Variants in PRKACB observed in about 807,000 individuals in gnomAD.
The protein encoded by PRKACB is cAMP-dependent protein kinase catalytic subunit beta.
A neutral mutation model predicts 51.4 loss-of-function variants in PRKACB; 16 were observed. The ratio of observed to expected loss-of-function variants is 0.31; its 90% CI spans 0.21 to 0.47. The LOEUF is 0.47. PRKACB is among the 20% of genes least tolerant of loss of function. The pLI, the probability that PRKACB is intolerant of heterozygous loss-of-function variation, is 1.00. For synonymous variants in PRKACB, 147 were observed against 154.4 expected, an observed-to-expected ratio of 0.95 and a Z score of 0.35; for missense variants, 309 against 464.5, an observed-to-expected ratio of 0.67 and a Z score of 3.08.
chr1:84,168,002 C>G (rs1339210540), intron 1 of PRKACB, among the ~76,000 whole-genome samples: 1 of 151,510 alleles, frequency 6.6e-6, no homozygotes, highest in Non-Finnish European at 1.5e-5. Context: ...CCTTGTTAAG[C>G]AAACAAGGTC....
intron 1 of PRKACB, among the ~76,000 whole-genome samples, chr1:84,150,526 C>T (rs1176906800): frequency 2.0e-5 from 3 of 152,068 alleles, no homozygotes; most frequent in Admixed American, 2.0e-4. Flanking sequence ...GGGAGGATCT[C>T]TCATGAATGG....
At chr1:84,095,077 G>A (rs149979115) in intron 1 of PRKACB, among the ~76,000 whole-genome samples, 346 of 151,982 alleles carry the variant, frequency 2.3e-3, no homozygotes, top group African/African-American at 7.9e-3. Flanking sequence ...TACGATCTAG[G>A]TTTATGTAAG....
chr1:84,099,181 G>A (rs1455208286), intron 1 of PRKACB, among the ~76,000 whole-genome samples: 1 of 152,066 alleles, frequency 6.6e-6, no homozygotes, highest in Non-Finnish European at 1.5e-5. Context: ...TTTATTTGTA[G>A]TGTTAAGTAT....
intron 5 of PRKACB, among the ~76,000 whole-genome samples, chr1:84,191,177 T>C (rs1355070666): frequency 2.0e-5 from 3 of 152,154 alleles, no homozygotes; most frequent in African/African-American, 7.2e-5. Context: ...TTTCCATGTT[T>C]AGGACTCCCT....
intron 5 of PRKACB, among the ~76,000 whole-genome samples, chr1:84,190,630 A>G (rs1666486915): frequency 6.6e-6 from 1 of 152,132 alleles, no homozygotes; most frequent in South Asian, 2.1e-4. Flanking sequence ...TTATAGCTTC[A>G]TGACCTTAAG....
At chr1:84,162,397 C>G (rs952556467) in intron 1 of PRKACB, among the ~76,000 whole-genome samples, 1 of 151,958 alleles carries the variant, frequency 6.6e-6, no homozygotes, top group African/African-American at 2.4e-5. Context: ...TGTCTCTCTC[C>G]TTTTTTTCTA....
intron 1 of PRKACB, among the ~76,000 whole-genome samples, chr1:84,154,642 A>AAATTATAGG (rs1205989875): frequency 6.6e-6 from 1 of 152,182 alleles, no homozygotes; most frequent in Non-Finnish European, 1.5e-5. Context: ...TCCCTGATGA[A>AAATTATAGG]CATAGATGCA....
intron 9 of PRKACB, among the ~76,000 whole-genome samples, chr1:84,232,798 A>G (rs373189926): frequency 6.6e-6 from 1 of 151,934 alleles, no homozygotes; most frequent in Non-Finnish European, 1.5e-5. Flanking sequence ...TTTTGAGCCT[A>G]TGTGTGTCTC....
chr1:84,228,148 A>C (rs1334989831), intron 9 of PRKACB, among the ~76,000 whole-genome samples: 1 of 151,712 alleles, frequency 6.6e-6, no homozygotes, highest in Non-Finnish European at 1.5e-5. Flanking sequence ...TCCCATTCCT[A>C]CTTATTTTTA....
intron 8 of PRKACB, among the ~76,000 whole-genome samples, chr1:84,211,075 G>T (rs1007464757): frequency 8.6e-5 from 13 of 150,998 alleles, no homozygotes; most frequent in Non-Finnish European, 1.9e-4. Flanking sequence ...GATTTGAAAA[G>T]GTTCCCAAAT....
In PRKACB at chr1:84,235,361, T is replaced by C. The variant is rs1391332185; in HGVS notation, c.*56T>C. ...TCAGTGTTTGCACTCTGTTGAGAGA[T>C]AAGGTAGAGCTGAGACCGTCCTTGT... On this transcript the variant is annotated 3_prime_UTR_variant, in exon 10 of 10. Coordinates refer to ENST00000370685, the MANE Select transcript of PRKACB (RefSeq NM_182948.4). The C allele has an allele frequency of 3.7e-6, 6 of 1,607,772 alleles. No homozygotes were observed. In the African/African-American group the frequency reaches 6.7e-5, roughly 18 times the overall value.
intron 8 of PRKACB, 108 bp downstream of exon 8, chr1:84,202,913 A>G (rs549071390): frequency 6.6e-6 from 7 of 1,053,564 alleles, no homozygotes; most frequent in Middle Eastern, 2.8e-4. Context: ...TGGGAAAAAT[A>G]TAGAAAAATC....
intron 8 of PRKACB, among the ~76,000 whole-genome samples, chr1:84,206,512 C>G (rs1671366239): frequency 6.6e-6 from 1 of 152,152 alleles, no homozygotes; most frequent in Admixed American, 6.5e-5. Flanking sequence ...ACACCAGGCA[C>G]AAGCTTTCAA....
rs1040260436 is a variant in PRKACB at position 84,211,160 on chromosome 1, C to T, written c.907-2993C>T. Among the ~76,000 whole-genome samples, 10 of 149,250 alleles carry T rather than the reference C, an allele frequency of 6.7e-5. No homozygotes were observed. The South Asian group carries it at 8.6e-4, about 13-fold the overall frequency. ...ACACACACACACACACACACACACA[C>T]GTTCAAGACCATCACTTTATTTGCA... On this transcript the variant is annotated intron_variant, in intron 8 of 9. Transcript: ENST00000370685.
chr1:84,128,552 T>C (rs1197577549), intron 1 of PRKACB, among the ~76,000 whole-genome samples: 1 of 152,206 alleles, frequency 6.6e-6, no homozygotes, highest in Non-Finnish European at 1.5e-5. Context: ...AAATATGATA[T>C]TGAAGTGTAC....
chr1:84,223,930 A>G (rs1316936946), intron 9 of PRKACB, among the ~76,000 whole-genome samples: 2 of 152,328 alleles, frequency 1.3e-5, no homozygotes, highest in East Asian at 3.9e-4. Context: ...ACATCTCCAC[A>G]TCTGGTGTAA....
At chr1:84,226,273 TG>T (rs61599273) in intron 9 of PRKACB, among the ~76,000 whole-genome samples, 101,180 of 137,078 alleles carry the variant, frequency 0.74, 40,686 homozygotes, top group Non-Finnish European at 0.93. Flanking sequence ...GTGGGTTTTT[TG>T]TTTTTTTTTT....
chr1:84,225,933 T>C (rs1214455767), intron 9 of PRKACB, among the ~76,000 whole-genome samples: 7 of 152,250 alleles, frequency 4.6e-5, no homozygotes, highest in Admixed American at 4.6e-4. Context: ...AGAGGCTTTA[T>C]TCAACATGTG....
chr1:84,081,986 A>C (rs1401146182), intron 1 of PRKACB, among the ~76,000 whole-genome samples: 1 of 152,256 alleles, frequency 6.6e-6, no homozygotes, highest in Non-Finnish European at 1.5e-5. Context: ...TAGGTTCAAC[A>C]AAAATGCAAG....
Sources: allele counts gnomAD v4.1 joint callset (sites outside exome capture counted in the v4.1 genomes callset), GRCh38; gene constraint gnomAD v4.1.1; transcripts MANE v1.5; gene names NCBI Gene and HGNC (gene_info 2026-07-23, HGNC 2026-07-21).